LRRC40: variants seen among roughly 807,000 people sequenced by gnomAD.
LRRC40 encodes leucine-rich repeat-containing protein 40.
Under a neutral mutation model 72.8 loss-of-function variants are expected in LRRC40, and 76 were observed. The observed-to-expected ratio is 1.04, with a 90% CI of 0.87 to 1.26. The LOEUF is 1.26. Among genes scored for constraint, LRRC40 ranks in the 50% most tolerant of loss-of-function variants. LRRC40 has a pLI of 0.00. For missense variants in LRRC40, 684 were observed against 698.9 expected (o/e 0.98, Z 0.24); for synonymous variants, 243 against 254.2 (o/e 0.96, Z 0.42).
intron 6 of LRRC40, among the ~76,000 whole-genome samples, chr1:70,176,797 C>A (rs1348767670): frequency 6.6e-6 from 1 of 151,414 alleles, no homozygotes; most frequent in Non-Finnish European, 1.5e-5. Flanking sequence ...AACTGTGTAG[C>A]CTAAAAACAT....
At position 70,152,720 on chromosome 1, in the gene LRRC40, AT is replaced by A. The variant is rs561637226; in HGVS notation, c.1329-178del. Among the ~76,000 whole-genome samples, 59 of 152,224 alleles carry A rather than the reference AT, an allele frequency of 3.9e-4. No individual in the cohort carries two copies. In the East Asian group the frequency reaches 0.01, roughly 26 times the overall value. ...TTTGGATATGTAACTAATAAAAATA[AT>A]TTTTCAAAAAAGGCTCACTCTTATC... On this transcript the variant is annotated intron_variant, in intron 11 of 14. Transcript: ENST00000370952.
chr1:70,152,419 G>A lies in LRRC40; in HGVS notation c.1439+14C>T, dbSNP rs779109244. The A allele has an allele frequency of 2.4e-6, 3 of 1,255,298 alleles. No homozygotes were observed. Among genetic ancestry groups the A allele is most frequent in the Non-Finnish European group, 3.5e-6 (3 of 860,400 alleles). 77.8% of individuals were successfully genotyped at this position (1,255,298 alleles called of 1,614,324 possible). ...TAACTTTTTAAAAAGTCAAGCAATA[G>A]TATCAATAAATACCTGAGATCTAAA... On this transcript the variant is annotated intron_variant, in intron 12 of 14. Transcript: ENST00000370952.
In LRRC40 at chr1:70,203,230, T is replaced by C. The variant is rs539182746; in HGVS notation, c.151+2160A>G. The stretch of plus-strand genomic sequence containing the variant: ...TACTGAAAAGAGGCCTCAAAGTAAA[T>C]AGTTAAGGGAAAGGTTTAGAAAGAC... On this transcript the variant is annotated intron_variant, in intron 1 of 14. Coordinates refer to ENST00000370952, the MANE Select transcript of LRRC40 (RefSeq NM_017768.5). Among the ~76,000 whole-genome samples, 4 of 152,136 alleles carry C rather than the reference T, an allele frequency of 2.6e-5. No homozygotes were observed. In the South Asian group the frequency reaches 8.3e-4, roughly 32 times the overall value.
intron 9 of LRRC40, among the ~76,000 whole-genome samples, chr1:70,162,079 T>C (rs139101496): frequency 4.9e-4 from 75 of 152,278 alleles, no homozygotes; most frequent in African/African-American, 1.7e-3. Flanking sequence ...TGCCATCTTT[T>C]AAACTTCTCC....
chr1:70,195,371 A>T (rs1461594797), intron 1 of LRRC40, among the ~76,000 whole-genome samples: 4 of 122,168 alleles, frequency 3.3e-5, no homozygotes, highest in African/African-American at 5.3e-5. Flanking sequence ...AAACCCATTT[A>T]AAAAAAAAAA....
chr1:70,178,553 G>T (rs1668161370), intron 6 of LRRC40, among the ~76,000 whole-genome samples: 1 of 152,066 alleles, frequency 6.6e-6, no homozygotes, highest in Non-Finnish European at 1.5e-5. Context: ...TGGTATTCCA[G>T]GTCTCCTACT....
chr1:70,190,333 G>A (rs1050341764), intron 1 of LRRC40, among the ~76,000 whole-genome samples: 1 of 151,970 alleles, frequency 6.6e-6, no homozygotes, highest in African/African-American at 2.4e-5. Context: ...CAGATAAAAT[G>A]GGGTTACAGA....
intron 2 of LRRC40, among the ~76,000 whole-genome samples, chr1:70,187,800 C>A (rs1165867446): frequency 6.9e-6 from 1 of 145,320 alleles, no homozygotes; most frequent in Non-Finnish European, 1.5e-5. Context: ...CACTGCACTC[C>A]AGCCTGGGCT....
At chr1:70,176,175 G>T (rs1263116316) in intron 6 of LRRC40, among the ~76,000 whole-genome samples, 193 bp from the exon 7 acceptor site, 2 of 152,294 alleles carry the variant, frequency 1.3e-5, no homozygotes, top group East Asian at 3.9e-4. Context: ...AATGGCAAAT[G>T]AGAAAATTTT....
chr1:70,184,708 A>G (rs1378054892), intron 4 of LRRC40, 77 bp downstream of exon 4: 4 of 1,342,092 alleles, frequency 3.0e-6, no homozygotes, highest in Non-Finnish European at 4.1e-6. Context: ...AGTTTCAATC[A>G]TCTATCTTAA....
At chr1:70,199,702 T>C (rs185956027) in intron 1 of LRRC40, among the ~76,000 whole-genome samples, 2 of 152,340 alleles carry the variant, frequency 1.3e-5, no homozygotes, top group East Asian at 1.9e-4. Flanking sequence ...ATACATATAA[T>C]ATACAAATAT....
intron 1 of LRRC40, among the ~76,000 whole-genome samples, chr1:70,198,673 A>G (rs765783033): frequency 3.9e-5 from 6 of 152,228 alleles, no homozygotes; most frequent in Admixed American, 1.3e-4. Flanking sequence ...TGACACTCAG[A>G]ATGATTACTT....
chr1:70,177,905 G>A (rs1205694651), intron 6 of LRRC40, among the ~76,000 whole-genome samples: 1 of 152,006 alleles, frequency 6.6e-6, no homozygotes, highest in Non-Finnish European at 1.5e-5. Flanking sequence ...CTCAACACGA[G>A]GACAATGAAG....
chr1:70,176,683 C>T (rs1345455335), intron 6 of LRRC40, among the ~76,000 whole-genome samples: 1 of 151,698 alleles, frequency 6.6e-6, no homozygotes, highest in East Asian at 1.9e-4. Context: ...CCTTGAACAA[C>T]AAGTGTTTAA....
intron 2 of LRRC40, among the ~76,000 whole-genome samples, chr1:70,187,956 A>T: frequency 6.6e-6 from 1 of 152,142 alleles, no homozygotes; most frequent in East Asian, 1.9e-4. Flanking sequence ...TCAACTCATT[A>T]GTAGAGTTTC....
chr1:70,148,022 C>T (rs1326116261), intron 14 of LRRC40: 1 of 148,202 alleles, frequency 6.7e-6, no homozygotes, highest in Admixed American at 6.9e-5. Context: ...TTCAATAGGC[C>T]AATTATTGAT....
At chr1:70,201,236 T>TAA (rs1668731424) in intron 1 of LRRC40, among the ~76,000 whole-genome samples, 1 of 152,090 alleles carries the variant, frequency 6.6e-6, no homozygotes, top group African/African-American at 2.4e-5. Context: ...TATTTTGGGG[T>TAA]AAAAACAAAA....
intron 13 of LRRC40, 67 bp downstream of exon 13, chr1:70,151,061 G>T (rs1363324727): frequency 8.9e-6 from 8 of 903,656 alleles, no homozygotes; most frequent in African/African-American, 1.7e-5. Context: ...TTTGGCTTTT[G>T]TTTTCTCCAA....
intron 1 of LRRC40, among the ~76,000 whole-genome samples, chr1:70,204,809 GC>G (rs963149477): frequency 1.1e-4 from 17 of 151,800 alleles, no homozygotes; most frequent in Admixed American, 9.2e-4. Context: ...CCAGATTTGT[GC>G]TTCTTGGTCT....
Sources: allele counts gnomAD v4.1 joint callset (sites outside exome capture counted in the v4.1 genomes callset), GRCh38; gene constraint gnomAD v4.1.1; transcripts MANE v1.5; gene names NCBI Gene and HGNC (gene_info 2026-07-23, HGNC 2026-07-21).